The following DIAPH3 variants were observed in gnomAD, a reference collection of about 807,000 sequenced individuals.
DIAPH3 encodes diaphanous related formin 3.
Under a neutral mutation model 144.3 loss-of-function variants are expected in DIAPH3, and 117 were observed. The observed-to-expected ratio is 0.81, with a 90% CI of 0.70 to 0.95. The LOEUF (loss-of-function observed/expected upper bound fraction) is 0.95, where lower values mean the gene tolerates loss of function less well. Ranked by LOEUF, DIAPH3 falls within the 40% of genes least tolerant of loss-of-function variation. DIAPH3 has a pLI of 0.00. For synonymous variants in DIAPH3, 519 were observed against 488.9 expected (o/e 1.06, Z -0.81); for missense variants, 1,421 against 1,412.7 (o/e 1.01, Z -0.09).
At chr13:59,692,273 T>C (rs67835339) in intron 27 of DIAPH3, among the ~76,000 whole-genome samples, 23,801 of 151,518 alleles carry the variant, frequency 0.16, 2,247 homozygotes, top group South Asian at 0.25. Context: ...GTTTAACATT[T>C]GAGGGCTAAT....
At position 59,906,814 on chromosome 13, in the gene DIAPH3, T is replaced by C. The variant is rs537726366; in HGVS notation, c.2367+4921A>G. On this transcript the variant is annotated intron_variant, in intron 20 of 27. Coordinates refer to ENST00000400324, the MANE Select transcript of DIAPH3 (RefSeq NM_001042517.2). ...ACACCAAGCTTCAACTGCAAATTTT[T>C]AGGCCTCTTTCCAAACTTCAGCTAA... Among the ~76,000 whole-genome samples, 3 of 152,364 alleles carry C rather than the reference T, an allele frequency of 2.0e-5. No homozygotes were observed. The South Asian group carries it at 6.2e-4, about 32-fold the overall frequency.
intron 12 of DIAPH3, among the ~76,000 whole-genome samples, chr13:59,987,523 A>AAGTTATTTG (rs1555350134): frequency 1.3e-5 from 2 of 150,754 alleles, no homozygotes; most frequent in African/African-American, 4.8e-5. Flanking sequence ...AAAAAAAAAA[A>AAGTTATTTG]AGTTATTTGA....
chr13:60,149,918 G>A (rs1280451172), intron 1 of DIAPH3, among the ~76,000 whole-genome samples: 1 of 152,160 alleles, frequency 6.6e-6, no homozygotes, highest in Non-Finnish European at 1.5e-5. Flanking sequence ...AGGTGGTGGG[G>A]AGGGGGACCT....
At chr13:59,891,508 G>A (rs2045795346) in intron 20 of DIAPH3, among the ~76,000 whole-genome samples, 1 of 150,940 alleles carries the variant, frequency 6.6e-6, no homozygotes, top group Admixed American at 6.6e-5. Flanking sequence ...TTTTTAGCAG[G>A]AATTTAGTGG....
intron 20 of DIAPH3, among the ~76,000 whole-genome samples, chr13:59,911,460 A>G (rs1315171840): frequency 2.0e-5 from 3 of 152,234 alleles, no homozygotes; most frequent in African/African-American, 4.8e-5. Flanking sequence ...TAAGAAGTAC[A>G]GTTTTTACTT....
chr13:60,059,766 T>A (rs1173577625), intron 4 of DIAPH3, among the ~76,000 whole-genome samples: 1 of 152,056 alleles, frequency 6.6e-6, no homozygotes, highest in South Asian at 2.1e-4. Flanking sequence ...CATTGAAGGA[T>A]GAAGATGTGT....
chr13:59,666,923 A>G (rs2032052363), intron 27 of DIAPH3, 77 bp from the exon 28 acceptor site: 5 of 1,519,256 alleles, frequency 3.3e-6, no homozygotes, highest in Non-Finnish European at 4.5e-6. Flanking sequence ...AACACATTTA[A>G]AATAATTATT....
intron 4 of DIAPH3, among the ~76,000 whole-genome samples, chr13:60,093,375 G>T (rs1251548410): frequency 1.3e-5 from 2 of 152,122 alleles, no homozygotes; most frequent in Non-Finnish European, 2.9e-5. Context: ...ACAAGGAAAG[G>T]TGACAGAGTA....
At chr13:59,999,318 T>G (rs904308933) in intron 9 of DIAPH3, among the ~76,000 whole-genome samples, 1 of 152,214 alleles carries the variant, frequency 6.6e-6, no homozygotes, top group African/African-American at 2.4e-5. Context: ...AAGTTATCCT[T>G]TTTAATTTAT....
At chr13:59,852,995 A>G (rs1350408475) in intron 22 of DIAPH3, among the ~76,000 whole-genome samples, 4 of 152,244 alleles carry the variant, frequency 2.6e-5, no homozygotes, top group Non-Finnish European at 4.4e-5. Context: ...CTTGATAAAC[A>G]TTTGTACATA....
intron 21 of DIAPH3, among the ~76,000 whole-genome samples, chr13:59,874,516 GC>G (rs922963198): frequency 9.2e-5 from 14 of 152,102 alleles, no homozygotes; most frequent in African/African-American, 3.4e-4. Flanking sequence ...AATTAATTTT[GC>G]CTGCCACCCC....
intron 5 of DIAPH3, among the ~76,000 whole-genome samples, chr13:60,022,317 C>T (rs1003161607): frequency 6.6e-6 from 1 of 152,154 alleles, no homozygotes; most frequent in African/African-American, 2.4e-5. Context: ...GCATCCTTGC[C>T]TTGTTCTCAA....
At chr13:59,988,386 T>C (rs931238863) in intron 12 of DIAPH3, among the ~76,000 whole-genome samples, 1 of 151,910 alleles carries the variant, frequency 6.6e-6, no homozygotes, top group African/African-American at 2.4e-5. Flanking sequence ...CTAATGTTTT[T>C]AAAATGAAAA....
chr13:59,685,475 T>C (rs2033166343), intron 27 of DIAPH3, among the ~76,000 whole-genome samples: 1 of 152,134 alleles, frequency 6.6e-6, no homozygotes, highest in Non-Finnish European at 1.5e-5. Context: ...GTGGACACAT[T>C]AGCGCACAGA....
At position 59,855,038 on chromosome 13, in the gene DIAPH3, T is replaced by C. The variant is rs570837789; in HGVS notation, c.2737+6369A>G. ...CCTCTGTGCCCAGTGTTCTTTAATG[T>C]CAATCTACAGAATCCTTAATCCTTC... On this transcript the variant is annotated intron_variant, in intron 22 of 27. Transcript: ENST00000400324. 4.6e-5 allele frequency among the ~76,000 whole-genome samples: 7 copies of C among 152,316 alleles called. No individual in the cohort carries two copies. The South Asian group carries it at 1.2e-3, about 27-fold the overall frequency.
intron 27 of DIAPH3, among the ~76,000 whole-genome samples, chr13:59,672,650 C>T (rs546051495): frequency 3.9e-5 from 6 of 152,246 alleles, no homozygotes; most frequent in East Asian, 3.9e-4. Context: ...TAGTGGTGGC[C>T]GCCAGCAGCC....
At chr13:60,063,017 T>C (rs2056829080) in intron 4 of DIAPH3, among the ~76,000 whole-genome samples, 1 of 152,204 alleles carries the variant, frequency 6.6e-6, no homozygotes, top group African/African-American at 2.4e-5. Context: ...CAATTGACTC[T>C]TCCTTTCATG....
At chr13:59,755,242 A>T (rs893795788) in intron 27 of DIAPH3, among the ~76,000 whole-genome samples, 1 of 152,176 alleles carries the variant, frequency 6.6e-6, no homozygotes, top group Non-Finnish European at 1.5e-5. Context: ...GTTCATTGAT[A>T]ATGAAGAAAA....
intron 27 of DIAPH3, among the ~76,000 whole-genome samples, chr13:59,703,861 C>T (rs2034262732): frequency 6.6e-6 from 1 of 152,008 alleles, no homozygotes; most frequent in Non-Finnish European, 1.5e-5. Flanking sequence ...AAAACAAAAA[C>T]CTAGGAGGCC....
Sources: allele counts gnomAD v4.1 joint callset (sites outside exome capture counted in the v4.1 genomes callset), GRCh38; gene constraint gnomAD v4.1.1; transcripts MANE v1.5; gene names NCBI Gene and HGNC (gene_info 2026-07-23, HGNC 2026-07-21).